Variants in TRDN observed in about 807,000 individuals in gnomAD.
TRDN encodes the protein triadin.
In TRDN, 161 loss-of-function variants were observed where a neutral mutation model predicts 149.7. That is an observed-to-expected ratio of 1.08 (90% confidence interval 0.95 to 1.23). The LOEUF (loss-of-function observed/expected upper bound fraction) is 1.23, where lower values mean the gene tolerates loss of function less well. Among genes scored for constraint, TRDN ranks in the 50% most tolerant of loss-of-function variants. The pLI is 0.00. For missense variants in TRDN, 896 were observed against 823.5 expected, an observed-to-expected ratio of 1.09 and a Z score of -1.08; for synonymous variants, 294 against 250.5, an observed-to-expected ratio of 1.17 and a Z score of -1.64.
intron 2 of TRDN, among the ~76,000 whole-genome samples, chr6:123,564,930 T>C (rs1782202223): frequency 6.6e-6 from 1 of 152,224 alleles, no homozygotes; most frequent in Non-Finnish European, 1.5e-5. Context: ...ATGAGGATGC[T>C]AATGAATGAT....
At chr6:123,583,138 C>T (rs979451066) in intron 1 of TRDN, among the ~76,000 whole-genome samples, 2 of 150,774 alleles carry the variant, frequency 1.3e-5, no homozygotes, top group East Asian at 4.0e-4. Context: ...TATTTATTTA[C>T]TTCAAGAGTT....
At chr6:123,502,465 A>G (rs1023310492) in intron 8 of TRDN, 48 of 780,738 alleles carry the variant, frequency 6.1e-5, no homozygotes, top group Non-Finnish European at 7.1e-5. Flanking sequence ...TAGATCACTA[A>G]AAAAAGAAAA....
Position 123,601,680 on chromosome 6 carries a change from CT to C in TRDN, c.23-30549del, listed in dbSNP as rs1583308907. The stretch of plus-strand genomic sequence containing the variant: ...ATTCTCACTTCTTTGTCCAGGCATC[CT>C]TCTGCAACCTGTGGCAATCCCAGTT... On this transcript the variant is annotated intron_variant, in intron 1 of 40. Transcript: ENST00000334268. Among the ~76,000 whole-genome samples the C allele has an allele frequency of 2.0e-5, 3 of 152,242 alleles. No individual in the cohort carries two copies. In the East Asian group the frequency reaches 5.8e-4, roughly 29 times the overall value.
chr6:123,493,415 G>A (rs578133903), intron 9 of TRDN, among the ~76,000 whole-genome samples: 4 of 152,164 alleles, frequency 2.6e-5, no homozygotes, highest in South Asian at 2.1e-4. Context: ...GTTTATAGAC[G>A]AAATCTTAGC....
intron 12 of TRDN, among the ~76,000 whole-genome samples, chr6:123,427,392 ATTAGT>A (rs1774168096): frequency 6.6e-6 from 1 of 152,018 alleles, no homozygotes; most frequent in South Asian, 2.1e-4. Context: ...TAATCTAGAC[ATTAGT>A]TTCATTTAGC....
chr6:123,271,018 C>T, intron 30 of TRDN, 121 bp downstream of exon 30: 1 of 457,118 alleles, frequency 2.2e-6, no homozygotes, highest in Non-Finnish European at 3.7e-6. Context: ...GTACTGAAAG[C>T]CTACACACTT....
chr6:123,344,329 A>T (rs2114266393), intron 21 of TRDN, among the ~76,000 whole-genome samples: 1 of 152,188 alleles, frequency 6.6e-6, no homozygotes, highest in South Asian at 2.1e-4. Flanking sequence ...AGTTTTATAC[A>T]TCTTATAGAT....
chr6:123,335,462 C>A (rs1050364129), intron 22 of TRDN, among the ~76,000 whole-genome samples: 4 of 151,660 alleles, frequency 2.6e-5, no homozygotes, highest in Admixed American at 2.6e-4. Flanking sequence ...AGGTTTGCAG[C>A]ATGTGATTAT....
At chr6:123,306,384 G>A (rs1455096566) in intron 24 of TRDN, among the ~76,000 whole-genome samples, 1 of 152,104 alleles carries the variant, frequency 6.6e-6, no homozygotes, top group Non-Finnish European at 1.5e-5. Flanking sequence ...GATTAGTGAT[G>A]CTTTCAGATA....
intron 13 of TRDN, 110 bp from the exon 14 acceptor site, chr6:123,388,661 C>T (rs1781995538): frequency 6.0e-6 from 7 of 1,161,148 alleles, no homozygotes; most frequent in Non-Finnish European, 8.6e-6. Context: ...GTCACCTATA[C>T]ACTAATCAAT....
intron 24 of TRDN, among the ~76,000 whole-genome samples, chr6:123,299,562 C>T (rs1221754678): frequency 6.6e-6 from 1 of 151,950 alleles, no homozygotes; most frequent in East Asian, 1.9e-4. Context: ...AAAGGGAAGA[C>T]GTCATACAGG....
intron 24 of TRDN, among the ~76,000 whole-genome samples, chr6:123,286,632 T>C (rs914044771): frequency 6.6e-6 from 1 of 151,926 alleles, no homozygotes; most frequent in Admixed American, 6.6e-5. Flanking sequence ...CTGAAGAACT[T>C]ACTCATGTAA....
chr6:123,473,569 G>A (rs1172206768), intron 9 of TRDN, among the ~76,000 whole-genome samples: 3 of 151,644 alleles, frequency 2.0e-5, no homozygotes, highest in Non-Finnish European at 4.4e-5. Context: ...GCAGGCCAAC[G>A]TTCAGATTCA....
chr6:123,332,562 G>A (rs1369728713), intron 22 of TRDN, among the ~76,000 whole-genome samples: 1 of 151,798 alleles, frequency 6.6e-6, no homozygotes, highest in Non-Finnish European at 1.5e-5. Flanking sequence ...CCATATCATG[G>A]GCTCCAGACA....
In TRDN at chr6:123,424,624, G is replaced by A. The variant is rs185752796; in HGVS notation, c.1051+13439C>T. On this transcript the variant is annotated intron_variant, in intron 12 of 40. Coordinates refer to ENST00000334268, the MANE Select transcript of TRDN (RefSeq NM_006073.4). Reference sequence around the variant, plus strand: ...CTTTTGAAATCTAAATGCTGAAACCGTGAGTTCTATTGGAAATGGAAGAAA... The same window carrying A: ...CTTTTGAAATCTAAATGCTGAAACCATGAGTTCTATTGGAAATGGAAGAAA... Among the ~76,000 whole-genome samples the A allele has an allele frequency of 5.9e-5, 9 of 152,200 alleles. No individual in the cohort carries two copies. The South Asian group carries it at 1.0e-3, about 18-fold the overall frequency.
At chr6:123,362,028 C>T (rs1030621081) in intron 20 of TRDN, among the ~76,000 whole-genome samples, 18 of 152,088 alleles carry the variant, frequency 1.2e-4, no homozygotes, top group African/African-American at 4.3e-4. Flanking sequence ...ATTAATCTTG[C>T]CTTTTCTCTC....
intron 30 of TRDN, 82 bp downstream of exon 30, chr6:123,271,057 G>GTT: frequency 1.4e-6 from 1 of 733,972 alleles, no homozygotes; most frequent in Non-Finnish European, 2.2e-6. Context: ...GTGTGTGTGT[G>GTT]TGTGTGTCTG....
chr6:123,594,094 T>C (rs181620836), intron 1 of TRDN, among the ~76,000 whole-genome samples: 103 of 152,244 alleles, frequency 6.8e-4, no homozygotes, highest in African/African-American at 2.3e-3. Context: ...TGTGTGCACA[T>C]ACATGCAAAC....
intron 16 of TRDN, among the ~76,000 whole-genome samples, chr6:123,380,697 A>G (rs1188753580): frequency 6.9e-6 from 1 of 144,698 alleles, no homozygotes; most frequent in African/African-American, 2.6e-5. Flanking sequence ...TTAATAGTGT[A>G]TTGAATAAGT....
Sources: gnomAD v4.1 joint callset for allele counts (sites outside exome capture counted in the v4.1 genomes callset) on GRCh38, gnomAD v4.1.1 for gene constraint, MANE v1.5 for transcripts, NCBI Gene and HGNC (gene_info 2026-07-23, HGNC 2026-07-21) for gene names.